PLXNA2: variants seen among roughly 807,000 people sequenced by gnomAD.
The protein encoded by PLXNA2 is plexin A2.
A neutral mutation model predicts 193.5 loss-of-function variants in PLXNA2; 91 were observed. The ratio of observed to expected loss-of-function variants is 0.47; its 90% CI spans 0.40 to 0.56. The LOEUF is 0.56. PLXNA2 is among the 20% of genes least tolerant of loss of function. The probability of loss-of-function intolerance (pLI) is 0.00; values close to 1 mark genes in which losing one functional copy is unlikely to be tolerated. For missense variants in PLXNA2, 1,995 were observed against 2,503.2 expected (o/e 0.80, Z 4.33); for synonymous variants, 997 against 1,027.3 (o/e 0.97, Z 0.56).
chr1:208,096,837 G>C lies in PLXNA2; in HGVS notation c.1778C>G (p.Ala593Gly), dbSNP rs759262069. ...CTCTGTCAGGTTCCCAAAGGCACAG[G>C]CGATACCCGCAGATAGATCAGGAGC... ...SDAPDLSAGIACAFGNLTEVE... is the reference protein window; with the variant it reads ...SDAPDLSAGIGCAFGNLTEVE... Residue 593 changes from alanine (A) to glycine (G), a missense_variant, in exon 7 of 32, where the codon GCC (alanine) becomes GGC (glycine). Physicochemically the swap from Ala to Gly is moderately conservative, Grantham distance 60. Around this residue, in one of 3 missense-constraint regions of PLXNA2, gnomAD observed 702 missense variants for 812.9 expected, o/e 0.86. Transcript: ENST00000367033. 1 of 1,614,072 alleles carries C rather than the reference G, an allele frequency of 6.2e-7. No individual in the cohort carries two copies. The highest frequency in any genetic ancestry group is 1.1e-5 in the South Asian group (1 of 91,076).
intron 8 of PLXNA2, among the ~76,000 whole-genome samples, chr1:208,095,345 T>C (rs1666845893): frequency 6.6e-6 from 1 of 152,172 alleles, no homozygotes; most frequent in African/African-American, 2.4e-5. Flanking sequence ...CTCACACAGT[T>C]GTGGGGTCTC....
intron 3 of PLXNA2, among the ~76,000 whole-genome samples, chr1:208,168,035 G>C (rs780565552): frequency 6.6e-6 from 1 of 152,218 alleles, no homozygotes. Context: ...TTTAGAGTCA[G>C]AAGACTGTGG....
chr1:208,071,022 G>C (rs1201258324), intron 12 of PLXNA2, among the ~76,000 whole-genome samples: 1 of 152,222 alleles, frequency 6.6e-6, no homozygotes, highest in African/African-American at 2.4e-5. Context: ...ACTCGAGGAG[G>C]GGAGGTGGTT....
intron 3 of PLXNA2, among the ~76,000 whole-genome samples, chr1:208,190,340 T>A (rs929671168): frequency 1.3e-5 from 2 of 152,230 alleles, no homozygotes; most frequent in Non-Finnish European, 2.9e-5. Context: ...CACTACCCAC[T>A]GAGTTGTTTA....
chr1:208,224,632 T>C (rs1671457024), intron 1 of PLXNA2, among the ~76,000 whole-genome samples: 1 of 152,104 alleles, frequency 6.6e-6, no homozygotes, highest in Non-Finnish European at 1.5e-5. Context: ...ATTAATCGAA[T>C]GTCATTTTTT....
At chr1:208,220,092 G>A (rs1229475153) in intron 1 of PLXNA2, among the ~76,000 whole-genome samples, 2 of 152,178 alleles carry the variant, frequency 1.3e-5, no homozygotes, top group African/African-American at 4.8e-5. Flanking sequence ...GGTGGAGAGT[G>A]GTTCCTCCTT....
At chr1:208,085,019 C>T (rs990983604) in intron 9 of PLXNA2, among the ~76,000 whole-genome samples, 3 of 151,982 alleles carry the variant, frequency 2.0e-5, no homozygotes, top group African/African-American at 4.8e-5. Flanking sequence ...TTCCCAGCCC[C>T]GACTGAGCTA....
chr1:208,218,477 C>A (rs888255938), intron 1 of PLXNA2, among the ~76,000 whole-genome samples: 2 of 152,180 alleles, frequency 1.3e-5, no homozygotes, highest in African/African-American at 4.8e-5. Flanking sequence ...TCTGATATTG[C>A]ACACAAAATT....
At chr1:208,065,327 C>T (rs1031145079) in intron 12 of PLXNA2, among the ~76,000 whole-genome samples, 2 of 152,192 alleles carry the variant, frequency 1.3e-5, no homozygotes. Context: ...AGAGAGTAAC[C>T]TCTGGAATCA....
Position 208,038,522 on chromosome 1 carries a change from T to C in PLXNA2, c.4661-48A>G, listed in dbSNP as rs1284981343. On this transcript the variant is annotated intron_variant, in intron 25 of 31. Transcript: ENST00000367033. The surrounding 1 kb of genome is among the most constrained non-coding windows in gnomAD (Gnocchi z 4.1). ...GGAGCGGCGTGAGAGGGATGAGGGCTGTGAGCCAGTGTCTCCCGATTGCAC... is the reference window on the plus strand; with the variant it reads ...GGAGCGGCGTGAGAGGGATGAGGGCCGTGAGCCAGTGTCTCCCGATTGCAC... 3 of 1,417,998 alleles carry C rather than the reference T, an allele frequency of 2.1e-6. No homozygotes were observed. The Admixed American group carries it at 5.0e-5, about 24-fold the overall frequency. The allele number at this position is 1,417,998 out of a possible 1,614,324, so 87.8% of individuals were successfully genotyped here.
At chr1:208,073,649 A>T (rs1020387698) in intron 12 of PLXNA2, among the ~76,000 whole-genome samples, 2 of 152,192 alleles carry the variant, frequency 1.3e-5, no homozygotes, top group Non-Finnish European at 2.9e-5. Flanking sequence ...TATGGTGAAG[A>T]CCTAATTCAG....
Position 208,027,299 on chromosome 1 carries a change from G to A in PLXNA2, c.5629C>T (p.Gln1877Ter). ...ALEQDEQARR[Q>*]RLAYKVEQLI... The stretch of plus-strand genomic sequence containing the variant: ...TGCTCCACCTTATAAGCCAGCCGCT[G>A]CCGCCGTGCCTGCTCATCCTGCTCT... The change falls in exon 32 of 32, where the codon CAG (glutamine) becomes TAG (stop). Residue 1877 changes from glutamine to a stop codon, truncating the protein, a stop_gained. Transcript: ENST00000367033. LOFTEE classifies it high-confidence loss of function. 6.2e-7 allele frequency: 1 copy of A among 1,613,570 alleles called. No homozygotes were observed. Among genetic ancestry groups the A allele is most frequent in the South Asian group, 1.1e-5 (1 of 91,082 alleles).
chr1:208,121,416 C>T (rs961506284), intron 4 of PLXNA2, among the ~76,000 whole-genome samples: 4 of 152,148 alleles, frequency 2.6e-5, no homozygotes, highest in Admixed American at 6.5e-5. Context: ...CTCTGTGTCC[C>T]CACCCATATC....
At chr1:208,164,837 C>A (rs912258206) in intron 3 of PLXNA2, among the ~76,000 whole-genome samples, 12 of 152,178 alleles carry the variant, frequency 7.9e-5, no homozygotes, top group African/African-American at 2.9e-4. Context: ...GCGGCACTAA[C>A]GGATTCTCTT....
At chr1:208,072,110 C>T (rs12027972) in intron 12 of PLXNA2, among the ~76,000 whole-genome samples, 15,796 of 152,180 alleles carry the variant, frequency 0.1, 1,182 homozygotes, top group East Asian at 0.34. Context: ...GTTTTGGAGG[C>T]CAGTGTACAT....
Position 208,028,287 on chromosome 1 carries a change from T to TGTGGCTTCCTCTGGCCTCTTG in PLXNA2, c.5439-149_5439-129dup. 2.4e-6 allele frequency: 2 copies of TGTGGCTTCCTCTGGCCTCTTG among 817,318 alleles called. No homozygotes were observed. Among genetic ancestry groups the TGTGGCTTCCTCTGGCCTCTTG allele is most frequent in the South Asian group, 4.1e-5 (2 of 48,786 alleles). The allele number at this position is 817,318 out of a possible 1,614,324, so 50.6% of individuals were successfully genotyped here. Reference sequence around the variant, plus strand: ...TCCTGCCTCCCTATTTCTCTTCTGATGTGGCTTCCTCTGGCCTCTTGCTTC... The same window carrying TGTGGCTTCCTCTGGCCTCTTG: ...TCCTGCCTCCCTATTTCTCTTCTGATGTGGCTTCCTCTGGCCTCTTGGTGGCTTCCTCTGGCCTCTTGCTTC... On this transcript the variant is annotated intron_variant, in intron 30 of 31. Transcript: ENST00000367033. The surrounding 1 kb of genome is among the most constrained non-coding windows in gnomAD (Gnocchi z 4.2).
At chr1:208,060,400 G>A (rs1665576587) in intron 13 of PLXNA2, among the ~76,000 whole-genome samples, 2 of 152,150 alleles carry the variant, frequency 1.3e-5, no homozygotes, top group African/African-American at 4.8e-5. Flanking sequence ...GACCTAGGAG[G>A]AAATGCTCAG....
In PLXNA2 at chr1:208,038,790, C is replaced by G. The variant is rs746780343; in HGVS notation, c.4660+35G>C. The G allele has an allele frequency of 1.2e-6, 2 of 1,603,772 alleles. No homozygotes were observed. Among genetic ancestry groups the G allele is most frequent in the Non-Finnish European group, 1.7e-6 (2 of 1,173,160 alleles). The stretch of plus-strand genomic sequence containing the variant: ...CAGCTTCCCTTCCTTCACCTCTCAA[C>G]CCCTGCCCTCACACTCTGAGTCCAG... On this transcript the variant is annotated intron_variant, in intron 25 of 31. Coordinates refer to ENST00000367033, the MANE Select transcript of PLXNA2 (RefSeq NM_025179.4). The surrounding 1 kb of genome is among the most constrained non-coding windows in gnomAD (Gnocchi z 4.1).
In PLXNA2 at chr1:208,039,979, C is replaced by A. The variant is rs1244342264; in HGVS notation, c.4353+13G>T. ...GCCCTGGACGCTAGGCCCCGTCTCA[C>A]TCCCTTTCTCACCTTTAGGAACTTG... On this transcript the variant is annotated intron_variant, in intron 23 of 31. Transcript: ENST00000367033. 9.3e-6 allele frequency: 15 copies of A among 1,613,616 alleles called. No individual in the cohort carries two copies. The highest frequency in any genetic ancestry group is 1.3e-5 in the Non-Finnish European group (15 of 1,179,488).
Sources: gnomAD v4.1 joint callset for allele counts (sites outside exome capture counted in the v4.1 genomes callset) on GRCh38, gnomAD v4.1.1 for gene constraint, gnomAD v4.1.1 regional missense constraint, Gnocchi (gnomAD v3.1) non-coding constraint, MANE v1.5 for transcripts, NCBI Gene and HGNC (gene_info 2026-07-23, HGNC 2026-07-21) for gene names.